Variants in TNFSF4 observed in about 807,000 individuals in gnomAD.
TNFSF4 encodes the protein tumor necrosis factor ligand superfamily member 4.
Under a neutral mutation model 7.3 loss-of-function variants are expected in TNFSF4, and 4 were observed. The observed-to-expected ratio is 0.55, with a 90% confidence interval of 0.27 to 1.25. TNFSF4 has a LOEUF of 1.25. Among genes scored for constraint, TNFSF4 ranks in the 50% most tolerant of loss-of-function variants. The pLI is 0.12. For synonymous variants in TNFSF4, 76 were observed against 83.7 expected (o/e 0.91, Z 0.50); for missense variants, 181 against 208.8 (o/e 0.87, Z 0.82).
At chr1:173,265,898 A>T in the TNFSF4 span, among the ~76,000 whole-genome samples, 1 of 152,138 alleles carries the variant, frequency 6.6e-6, no homozygotes, top group Non-Finnish European at 1.5e-5. Flanking sequence ...CTATTGCAAA[A>T]GTCATATTTC....
the TNFSF4 span, among the ~76,000 whole-genome samples, chr1:173,274,507 T>C: frequency 0.027 from 4,034 of 152,206 alleles, 170 homozygotes; most frequent in African/African-American, 0.092. Context: ...AGCAGAATTC[T>C]AAGATGTCCC....
chr1:173,351,096 C>G, the TNFSF4 span, among the ~76,000 whole-genome samples: 1 of 152,190 alleles, frequency 6.6e-6, no homozygotes, highest in African/African-American at 2.4e-5. Flanking sequence ...TTAATGTGAT[C>G]ATCAAAGCCT....
At chr1:173,425,041 C>T in the TNFSF4 span, among the ~76,000 whole-genome samples, 1 of 152,222 alleles carries the variant, frequency 6.6e-6, no homozygotes, top group Non-Finnish European at 1.5e-5. Flanking sequence ...AGCCTTTCCT[C>T]CACTGTCCCA....
At chr1:173,342,504 T>C in the TNFSF4 span, among the ~76,000 whole-genome samples, 2 of 150,626 alleles carry the variant, frequency 1.3e-5, no homozygotes, top group African/African-American at 4.9e-5. Flanking sequence ...ACAACACGAA[T>C]GATGCATTAT....
the TNFSF4 span, among the ~76,000 whole-genome samples, chr1:173,373,412 T>G: frequency 6.6e-6 from 1 of 152,134 alleles, no homozygotes; most frequent in Non-Finnish European, 1.5e-5. Context: ...ATTCCCCAAC[T>G]GAAACAGAAT....
chr1:173,401,997 T>A, the TNFSF4 span, among the ~76,000 whole-genome samples: 1 of 152,328 alleles, frequency 6.6e-6, no homozygotes, highest in East Asian at 1.9e-4. Context: ...AGTTTCGTAT[T>A]TTCCATTTGC....
At chr1:173,325,212 A>G in the TNFSF4 span, among the ~76,000 whole-genome samples, 1 of 152,264 alleles carries the variant, frequency 6.6e-6, no homozygotes. Context: ...TAAGAATCTC[A>G]GTCAAAACCG....
chr1:173,256,154 T>C, the TNFSF4 span, among the ~76,000 whole-genome samples: 1 of 152,150 alleles, frequency 6.6e-6, no homozygotes, highest in African/African-American at 2.4e-5. Flanking sequence ...AAAAACATGG[T>C]AAAATAGAAT....
the TNFSF4 span, among the ~76,000 whole-genome samples, chr1:173,359,011 C>T: frequency 6.6e-6 from 1 of 152,220 alleles, no homozygotes; most frequent in African/African-American, 2.4e-5. Context: ...ATGTATATTA[C>T]ATTTCAATCA....
the TNFSF4 span, among the ~76,000 whole-genome samples, chr1:173,447,167 C>T: frequency 3.9e-5 from 6 of 152,024 alleles, no homozygotes; most frequent in East Asian, 5.8e-4. Flanking sequence ...TCCTACTATG[C>T]GATATTCTGG....
At chr1:173,343,567 G>C in the TNFSF4 span, among the ~76,000 whole-genome samples, 14,998 of 152,158 alleles carry the variant, frequency 0.099, 871 homozygotes, top group East Asian at 0.27. Context: ...TCAACTGATT[G>C]TTCAAGATCT....
chr1:173,344,478 T>C, the TNFSF4 span, among the ~76,000 whole-genome samples: 1 of 152,328 alleles, frequency 6.6e-6, no homozygotes, highest in South Asian at 2.1e-4. Flanking sequence ...AAAGGGATGA[T>C]ATATGGGTAA....
At chr1:173,411,540 C>G in the TNFSF4 span, among the ~76,000 whole-genome samples, 1 of 152,184 alleles carries the variant, frequency 6.6e-6, no homozygotes, top group Non-Finnish European at 1.5e-5. Context: ...TGGCTCACTC[C>G]TGTATTCTCA....
chr1:173,302,518 A>C, the TNFSF4 span, among the ~76,000 whole-genome samples: 1 of 151,868 alleles, frequency 6.6e-6, no homozygotes, highest in African/African-American at 2.4e-5. Context: ...ATAGATGAGA[A>C]AACCAAAGTT....
chr1:173,255,204 T>C, the TNFSF4 span, among the ~76,000 whole-genome samples: 44,226 of 152,078 alleles, frequency 0.29, 6,556 homozygotes, highest in Admixed American at 0.37. Flanking sequence ...AATTACAGCA[T>C]GTGTCTTTGT....
At chr1:173,334,245 G>A in the TNFSF4 span, among the ~76,000 whole-genome samples, 10 of 152,116 alleles carry the variant, frequency 6.6e-5, no homozygotes, top group Admixed American at 5.9e-4. Context: ...AGGACTGATA[G>A]TCCATAGCAT....
At chr1:173,345,349 T>G in the TNFSF4 span, among the ~76,000 whole-genome samples, 1 of 152,174 alleles carries the variant, frequency 6.6e-6, no homozygotes, top group Non-Finnish European at 1.5e-5. Context: ...GCTTTGGCAT[T>G]GCCAATGCCA....
chr1:173,444,947 C>T, the TNFSF4 span, among the ~76,000 whole-genome samples: 1 of 152,192 alleles, frequency 6.6e-6, no homozygotes, highest in Non-Finnish European at 1.5e-5. Flanking sequence ...GCTTTACCCG[C>T]TCAGCCAGCA....
chr1:173,234,975 A>G, the TNFSF4 span, among the ~76,000 whole-genome samples: 1 of 152,070 alleles, frequency 6.6e-6, no homozygotes, highest in African/African-American at 2.4e-5. Context: ...AAAAGCTAAG[A>G]TCTATATCTT....
Sources: allele counts gnomAD v4.1 joint callset (sites outside exome capture counted in the v4.1 genomes callset), GRCh38; gene constraint gnomAD v4.1.1; transcripts MANE v1.5; gene names NCBI Gene and HGNC (gene_info 2026-07-23, HGNC 2026-07-21).